WBP2NL: variants seen among roughly 807,000 people sequenced by gnomAD.
WBP2NL encodes the protein WBP2 N-terminal like.
Under a neutral mutation model 23.3 loss-of-function variants are expected in WBP2NL, and 27 were observed. That is an observed-to-expected ratio of 1.16 (90% CI 0.85 to 1.60). The LOEUF is 1.60. WBP2NL is among the 40% of genes most tolerant of loss of function. The pLI is 0.00. For missense variants in WBP2NL, 370 were observed against 389.5 expected (o/e 0.95, Z 0.42); for synonymous variants, 151 against 145.9 (o/e 1.03, Z -0.25).
intron 1 of WBP2NL, among the ~76,000 whole-genome samples, chr22:42,004,167 G>C (rs1921985284): frequency 6.6e-6 from 1 of 152,220 alleles, no homozygotes; most frequent in Non-Finnish European, 1.5e-5. Flanking sequence ...AGCTATTTGG[G>C]AGGCTAAGGC....
At chr22:42,020,229 G>T (rs1923764283) in intron 4 of WBP2NL, 133 bp downstream of exon 4, 2 of 879,772 alleles carry the variant, frequency 2.3e-6, no homozygotes, top group African/African-American at 1.7e-5. Context: ...TTTGTAAGTC[G>T]GGGTTTCACC....
downstream of WBP2NL, among the ~76,000 whole-genome samples, chr22:42,028,783 T>C (rs1924721481): frequency 1.3e-5 from 2 of 152,234 alleles, no homozygotes; most frequent in Non-Finnish European, 2.9e-5. Flanking sequence ...AGTTAGGCTG[T>C]AGGCTCAAAT....
downstream of WBP2NL, among the ~76,000 whole-genome samples, chr22:42,030,198 T>TTAGA (rs1403870066): frequency 1.3e-5 from 2 of 152,250 alleles, no homozygotes; most frequent in African/African-American, 4.8e-5. Context: ...TTATTTGATT[T>TTAGA]TAGAATATTC....
At chr22:42,018,312 C>CAAAAA (rs34200437) in intron 1 of WBP2NL, among the ~76,000 whole-genome samples, 1 of 48,642 alleles carries the variant, frequency 2.1e-5, no homozygotes, top group African/African-American at 5.9e-5. Context: ...GACCCTGTCT[C>CAAAAA]AAAAAAAAAA....
intron 5 of WBP2NL, among the ~76,000 whole-genome samples, chr22:42,025,683 T>A (rs1208568062): frequency 6.6e-6 from 1 of 152,256 alleles, no homozygotes; most frequent in Non-Finnish European, 1.5e-5. Flanking sequence ...TCTAAGTCTG[T>A]CCTTGTGCCA....
chr22:42,057,495 A>G (rs914758891), intron 8 of WBP2NL, among the ~76,000 whole-genome samples: 1 of 151,920 alleles, frequency 6.6e-6, no homozygotes, highest in African/African-American at 2.4e-5. Flanking sequence ...TAGCTGATTT[A>G]AAATCTGGTA....
chr22:42,053,318 T>G (rs913137607), intron 8 of WBP2NL, among the ~76,000 whole-genome samples: 1 of 152,222 alleles, frequency 6.6e-6, no homozygotes. Context: ...ATTTTTAAAT[T>G]TCTCTTAGGC....
chr22:42,005,295 C>T (rs941055457), intron 1 of WBP2NL, among the ~76,000 whole-genome samples: 2 of 152,018 alleles, frequency 1.3e-5, no homozygotes, highest in African/African-American at 4.8e-5. Context: ...AGGTGGATCA[C>T]CTGAGGTCAG....
intron 1 of WBP2NL, chr22:42,001,657 G>T (rs1921703071): frequency 2.0e-5 from 24 of 1,193,238 alleles, no homozygotes; most frequent in South Asian, 1.6e-4. Context: ...GGGATCTCTT[G>T]TCCACACCAT....
At chr22:42,045,349 G>A (rs1203268604) in intron 8 of WBP2NL, among the ~76,000 whole-genome samples, 1 of 152,152 alleles carries the variant, frequency 6.6e-6, no homozygotes, top group African/African-American at 2.4e-5. Flanking sequence ...GCTGAGGCAG[G>A]AGAATGGCGT....
intron 1 of WBP2NL, among the ~76,000 whole-genome samples, chr22:42,014,463 G>C (rs1047464285): frequency 2.0e-5 from 3 of 152,028 alleles, no homozygotes; most frequent in African/African-American, 7.3e-5. Context: ...CTGTGCTCAC[G>C]CATTCTGCCC....
At chr22:42,029,280 G>C (rs1203060740), downstream of WBP2NL, among the ~76,000 whole-genome samples, 1 of 125,182 alleles carries the variant, frequency 8.0e-6, no homozygotes, top group Non-Finnish European at 1.6e-5. Context: ...AATATAGCGA[G>C]ACCCTGTGTC....
chr22:42,022,199 T>C (rs775303354), intron 4 of WBP2NL, 50 bp from the exon 5 acceptor site: 42 of 1,429,616 alleles, frequency 2.9e-5, no homozygotes, highest in Admixed American at 1.8e-4. Flanking sequence ...ATCTGCTATA[T>C]ATCTGACTTA....
intron 8 of WBP2NL, among the ~76,000 whole-genome samples, chr22:42,050,090 G>A (rs897108341): frequency 2.6e-5 from 4 of 152,102 alleles, no homozygotes; most frequent in Admixed American, 6.5e-5. Flanking sequence ...AGGCCGAAGT[G>A]GGAAGATTGC....
chr22:42,016,614 C>T (rs1484538272), intron 1 of WBP2NL, among the ~76,000 whole-genome samples: 2 of 152,280 alleles, frequency 1.3e-5, no homozygotes, highest in East Asian at 1.9e-4. Context: ...TTCTAGAGTT[C>T]TGAAAAAGTT....
intron 8 of WBP2NL, among the ~76,000 whole-genome samples, chr22:42,057,181 T>C (rs1926070170): frequency 6.6e-6 from 1 of 152,224 alleles, no homozygotes; most frequent in Admixed American, 6.5e-5. Flanking sequence ...CATTTGGTGG[T>C]ATCCCAAAGG....
chr22:42,015,536 G>C (rs981504577), intron 1 of WBP2NL, among the ~76,000 whole-genome samples: 1 of 151,858 alleles, frequency 6.6e-6, no homozygotes, highest in African/African-American at 2.4e-5. Context: ...CTGAGTAGCT[G>C]GGATTATAGG....
At chr22:42,002,144 AAAAC>A (rs1297841644) in intron 1 of WBP2NL, among the ~76,000 whole-genome samples, 7 of 152,336 alleles carry the variant, frequency 4.6e-5, no homozygotes, top group Admixed American at 2.6e-4. Flanking sequence ...CATGTTTTAA[AAAAC>A]AAAACACAGA....
intron 1 of WBP2NL, among the ~76,000 whole-genome samples, chr22:42,000,772 C>A (rs899768041): frequency 8.9e-4 from 119 of 133,092 alleles, no homozygotes; most frequent in Middle Eastern, 3.9e-3. Flanking sequence ...ACTAAAAATA[C>A]AAAAAAAAAA....
Sources: allele counts gnomAD v4.1 joint callset (sites outside exome capture counted in the v4.1 genomes callset), GRCh38; gene constraint gnomAD v4.1.1; transcripts MANE v1.5; gene names NCBI Gene and HGNC (gene_info 2026-07-23, HGNC 2026-07-21).